LSM6: variants seen among roughly 807,000 people sequenced by gnomAD.
LSM6 encodes LSM6 homolog, U6 small nuclear RNA and mRNA degradation associated.
Under a neutral mutation model 13.5 loss-of-function variants are expected in LSM6, and 2 were observed. That is an observed-to-expected ratio of 0.15 (90% CI 0.06 to 0.47). The LOEUF (loss-of-function observed/expected upper bound fraction) is 0.47, where lower values mean the gene tolerates loss of function less well. LSM6 is among the 20% of genes least tolerant of loss of function. The probability of loss-of-function intolerance (pLI) is 0.97; values close to 1 mark genes in which losing one functional copy is unlikely to be tolerated. For synonymous variants in LSM6, 43 were observed against 34.9 expected (o/e 1.23, Z -0.82); for missense variants, 58 against 96.4 (o/e 0.60, Z 1.67).
chr4:146,179,386 T>C (rs758215545), intron 1 of LSM6, among the ~76,000 whole-genome samples: 18 of 152,196 alleles, frequency 1.2e-4, no homozygotes, highest in Non-Finnish European at 2.5e-4. Flanking sequence ...AAAATTGTGG[T>C]GTCAAGACCA....
At position 146,187,393 on chromosome 4, in the gene LSM6, A is replaced by G. The variant is rs1461968888; in HGVS notation, c.208+6A>G. 2 of 1,535,588 alleles carry G rather than the reference A, an allele frequency of 1.3e-6. No individual in the cohort carries two copies. The highest frequency in any genetic ancestry group is 4.5e-5 in the East Asian group (2 of 44,498). ...ATTTATCCGAGGAAACAATGGTAAC[A>G]TTTCTTCGCCCTACAGTACAGCATT... On this transcript the variant is annotated splice_donor_region_variant and intron_variant, in intron 3 of 3. Transcript: ENST00000296581.
chr4:146,176,867 T>A (rs1192017730), intron 1 of LSM6, among the ~76,000 whole-genome samples: 1 of 152,180 alleles, frequency 6.6e-6, no homozygotes, highest in South Asian at 2.1e-4. Context: ...TTGGACTAGA[T>A]TCTCAGAAGT....
intron 2 of LSM6, among the ~76,000 whole-genome samples, chr4:146,184,316 G>C (rs1730298896): frequency 6.6e-6 from 1 of 151,956 alleles, no homozygotes; most frequent in South Asian, 2.1e-4. Flanking sequence ...TCTCTTTTCT[G>C]AATAATTAAT....
At chr4:146,183,779 G>A (rs1730284375) in intron 2 of LSM6, 1 of 151,388 alleles carries the variant, frequency 6.6e-6, no homozygotes. Context: ...GGGGGTACAG[G>A]TGGTTTTTTT....
Position 146,189,959 on chromosome 4 carries a change from T to C in LSM6, c.*303T>C. 3.6e-6 allele frequency: 1 copy of C among 274,328 alleles called. No homozygotes were observed. Among genetic ancestry groups the C allele is most frequent in the South Asian group, 7.6e-5 (1 of 13,118 alleles). 17.0% of individuals were successfully genotyped at this position (274,328 alleles called of 1,614,324 possible). ...TAACTTAAGTTTCGAGAAGTGTCAT[T>C]TCATTTGACTTGCTTTTCTTATCCA... On this transcript the variant is annotated 3_prime_UTR_variant, in exon 4 of 4. Transcript: ENST00000296581.
At chr4:146,189,231 G>A (rs1487368812) in intron 3 of LSM6, among the ~76,000 whole-genome samples, 1 of 152,136 alleles carries the variant, frequency 6.6e-6, no homozygotes, top group Non-Finnish European at 1.5e-5. Context: ...GAGCTCAAGT[G>A]ATCCACCCGC....
intron 3 of LSM6, 79 bp from the exon 4 acceptor site, chr4:146,189,543 T>A: frequency 2.3e-6 from 2 of 862,138 alleles, no homozygotes; most frequent in Non-Finnish European, 3.7e-6. Flanking sequence ...CCAAAATCTG[T>A]TGGCTTTTAA....
In LSM6 at chr4:146,182,937, C is replaced by T; in HGVS notation, c.16C>T (p.Gln6Ter). Residue 6 changes from glutamine to a stop codon, truncating the protein, a stop_gained, in exon 2 of 4, where the codon CAA becomes TAA. Coordinates refer to ENST00000296581, the MANE Select transcript of LSM6 (RefSeq NM_007080.3). LOFTEE classifies it high-confidence loss of function. MSLRK[Q>*]TPSDFLKQII... ...GATTGTTAAAATGAGTCTTCGGAAG[C>T]AAACCCCTAGTGACTTCTTAAAGCA... The T allele has an allele frequency of 6.2e-7, 1 of 1,611,782 alleles. No individual in the cohort carries two copies. Among genetic ancestry groups the T allele is most frequent in the Non-Finnish European group, 8.5e-7 (1 of 1,177,970 alleles).
chr4:146,178,795 T>C (rs1011236680), intron 1 of LSM6, among the ~76,000 whole-genome samples: 6 of 152,202 alleles, frequency 3.9e-5, no homozygotes, highest in South Asian at 2.1e-4. Context: ...GCTGCTACTC[T>C]CCAACTGGAT....
Position 146,187,327 on chromosome 4 carries a change from G to C in LSM6, c.148G>C (p.Glu50Gln), listed in dbSNP as rs768257263. 4 of 1,613,924 alleles carry C rather than the reference G, an allele frequency of 2.5e-6. No homozygotes were observed. Among genetic ancestry groups the C allele is most frequent in the Non-Finnish European group, 2.5e-6 (3 of 1,179,802 alleles). The stretch of plus-strand genomic sequence containing the variant: ...GAATATAGCCCTGGAGCAGACAGAA[G>C]AATATGTAAATGGACAACTGAAGAA... ...YMNIALEQTE[E>Q]YVNGQLKNKY... Residue 50 changes from glutamate to glutamine, a missense_variant, in exon 3 of 4, where the codon GAA (glutamate) becomes CAA (glutamine). Glu to Gln is a conservative substitution (Grantham distance 29, BLOSUM62 2). Coordinates refer to ENST00000296581, the MANE Select transcript of LSM6 (RefSeq NM_007080.3).
At chr4:146,180,319 T>C (rs1216735415) in intron 1 of LSM6, among the ~76,000 whole-genome samples, 1 of 152,226 alleles carries the variant, frequency 6.6e-6, no homozygotes, top group Non-Finnish European at 1.5e-5. Flanking sequence ...TCCCCAACCC[T>C]GTGCGCCTGA....
At chr4:146,180,608 CTG>C (rs1730211413) in intron 1 of LSM6, among the ~76,000 whole-genome samples, 1 of 152,138 alleles carries the variant, frequency 6.6e-6, no homozygotes, top group Non-Finnish European at 1.5e-5. Flanking sequence ...TAATCTGAAA[CTG>C]TAAATACTCT....
Position 146,187,272 on chromosome 4 carries a change from A to G in LSM6, c.95-2A>G, listed in dbSNP as rs1476458917. 1 of 1,573,994 alleles carries G rather than the reference A, an allele frequency of 6.4e-7. No homozygotes were observed. The highest frequency in any genetic ancestry group is 8.7e-7 in the Non-Finnish European group (1 of 1,143,838). Reference sequence around the variant, plus strand: ...CTTCTTTTTGACTAAATATGTCTGCAGGGGTCCTGGCTTGCCTGGATGGCT... The same window carrying G: ...CTTCTTTTTGACTAAATATGTCTGCGGGGGTCCTGGCTTGCCTGGATGGCT... On this transcript the variant is annotated splice_acceptor_variant, in intron 2 of 3. Transcript: ENST00000296581. LOFTEE classifies it high-confidence loss of function.
chr4:146,189,222 A>T (rs1208963874), intron 3 of LSM6, among the ~76,000 whole-genome samples: 1 of 152,090 alleles, frequency 6.6e-6, no homozygotes. Flanking sequence ...CAAACTTCTG[A>T]GCTCAAGTGA....
chr4:146,188,424 C>G (rs1730395095), intron 3 of LSM6, among the ~76,000 whole-genome samples: 1 of 152,024 alleles, frequency 6.6e-6, no homozygotes, highest in East Asian at 1.9e-4. Flanking sequence ...TGGGGGGCGG[C>G]TGTACTGGCA....
chr4:146,178,824 C>T (rs191582617), intron 1 of LSM6, among the ~76,000 whole-genome samples: 16 of 152,262 alleles, frequency 1.1e-4, no homozygotes, highest in Admixed American at 9.8e-4. Flanking sequence ...GCCTCTATTG[C>T]GATTCCCCAA....
chr4:146,185,840 G>A (rs1028912535), intron 2 of LSM6, among the ~76,000 whole-genome samples: 2 of 151,750 alleles, frequency 1.3e-5, no homozygotes, highest in African/African-American at 4.8e-5. Context: ...AAGTTCAGAC[G>A]ATTCTCCTGC....
chr4:146,187,482 C>T, intron 3 of LSM6, 95 bp downstream of exon 3: 1 of 677,108 alleles, frequency 1.5e-6, no homozygotes. Context: ...TTTAAAAGTC[C>T]ACTTTTAGGC....
chr4:146,179,363 C>G (rs558277308), intron 1 of LSM6, among the ~76,000 whole-genome samples: 50 of 152,198 alleles, frequency 3.3e-4, no homozygotes, highest in African/African-American at 1.1e-3. Context: ...ATTACTTGAG[C>G]CAAGTGATGG....
Sources: gnomAD v4.1 joint callset for allele counts (sites outside exome capture counted in the v4.1 genomes callset) on GRCh38, gnomAD v4.1.1 for gene constraint, MANE v1.5 for transcripts, NCBI Gene and HGNC (gene_info 2026-07-23, HGNC 2026-07-21) for gene names.